Variants in GORAB observed in about 807,000 individuals in gnomAD.
The protein encoded by GORAB is RAB6-interacting golgin.
GORAB carries 17 observed loss-of-function variants against 29.9 expected under a neutral mutation model. That is an observed-to-expected ratio of 0.57 (90% CI 0.39 to 0.85). The LOEUF (loss-of-function observed/expected upper bound fraction) is 0.85, where lower values mean the gene tolerates loss of function less well. GORAB is among the 40% of genes least tolerant of loss of function. GORAB has a pLI of 0.00. For synonymous variants in GORAB, 183 were observed against 157.2 expected, an observed-to-expected ratio of 1.16 and a Z score of -1.23; for missense variants, 442 against 437.8, an observed-to-expected ratio of 1.01 and a Z score of -0.09.
chr1:170,552,509 T>A lies in GORAB; in HGVS notation c.*47T>A, dbSNP rs7552922. On this transcript the variant is annotated 3_prime_UTR_variant, in exon 5 of 5. Transcript: ENST00000367763. The stretch of plus-strand genomic sequence containing the variant: ...TAATATGGTATTGAGTAAAGTATAC[T>A]TTTTGCAGTAGATCATGCCCTGACC... 1.3e-6 allele frequency: 2 copies of A among 1,485,336 alleles called. No homozygotes were observed. Among genetic ancestry groups the A allele is most frequent in the African/African-American group, 1.4e-5 (1 of 72,340 alleles). The allele number at this position is 1,485,336 out of a possible 1,614,324, so 92.0% of individuals were successfully genotyped here.
At chr1:170,546,918 C>A (rs1336946054) in intron 4 of GORAB, among the ~76,000 whole-genome samples, 1 of 152,076 alleles carries the variant, frequency 6.6e-6, no homozygotes, top group Non-Finnish European at 1.5e-5. Flanking sequence ...CTCTTGACCT[C>A]AGGTGATCCG....
chr1:170,541,370 C>A (rs1649414608), intron 2 of GORAB, among the ~76,000 whole-genome samples: 1 of 151,970 alleles, frequency 6.6e-6, no homozygotes, highest in Non-Finnish European at 1.5e-5. Context: ...TCTCTGAGGG[C>A]TAAAGGCCGC....
In GORAB at chr1:170,553,006, G is replaced by C; in HGVS notation, c.*544G>C. 1 of 453,388 alleles carries C rather than the reference G, an allele frequency of 2.2e-6. No homozygotes were observed. The highest frequency in any genetic ancestry group is 4.4e-6 in the Non-Finnish European group (1 of 226,598). The allele number at this position is 453,388 out of a possible 1,614,324, so 28.1% of individuals were successfully genotyped here. ...ACACAACTTGGAAACTGGAATTTAT[G>C]TGAAGAACCAAACAACTTAAACCAG... On this transcript the variant is annotated 3_prime_UTR_variant, in exon 5 of 5. Transcript: ENST00000367763.
At chr1:170,532,722 G>A (rs1282326887) in intron 1 of GORAB, 13 of 186,622 alleles carry the variant, frequency 7.0e-5, no homozygotes, top group Admixed American at 6.4e-4. Context: ...AGGAGCACAG[G>A]CGTCTGAATA....
At chr1:170,541,494 A>T (rs1649423139) in intron 2 of GORAB, among the ~76,000 whole-genome samples, 1 of 152,094 alleles carries the variant, frequency 6.6e-6, no homozygotes, top group Non-Finnish European at 1.5e-5. Context: ...CTGCAGTAGT[A>T]AAAGTGAGAA....
chr1:170,537,359 TCTC>T (rs772355938), intron 1 of GORAB, among the ~76,000 whole-genome samples: 3 of 152,140 alleles, frequency 2.0e-5, no homozygotes, highest in African/African-American at 2.4e-5. Context: ...ACCTCTCTCT[TCTC>T]CTTGTGTTGT....
intron 4 of GORAB, among the ~76,000 whole-genome samples, chr1:170,546,398 AAAAG>A (rs1341738639): frequency 2.0e-5 from 3 of 152,152 alleles, no homozygotes; most frequent in Admixed American, 6.5e-5. Flanking sequence ...TCAAAAAAAA[AAAAG>A]AAAGAAAAGT....
intron 4 of GORAB, among the ~76,000 whole-genome samples, chr1:170,547,433 ACTGCTGCTACTGCTG>A (rs1193137190): frequency 4.0e-5 from 6 of 151,802 alleles, no homozygotes. Context: ...TACTGCTGCT[ACTGCTGCTACTGCTG>A]CTACTGCTAC....
intron 3 of GORAB, among the ~76,000 whole-genome samples, chr1:170,543,438 G>A (rs141345567): frequency 5.3e-4 from 80 of 152,240 alleles, no homozygotes; most frequent in African/African-American, 1.7e-3. Flanking sequence ...AGGAGAAGAG[G>A]GAAGAAGGTG....
Position 170,553,743 on chromosome 1 carries a change from A to G in GORAB, c.*1281A>G, listed in dbSNP as rs756342438. 1 of 452,456 alleles carries G rather than the reference A, an allele frequency of 2.2e-6. No homozygotes were observed. The highest frequency in any genetic ancestry group is 1.6e-5 in the South Asian group (1 of 63,718). The allele number at this position is 452,456 out of a possible 1,614,324, so 28.0% of individuals were successfully genotyped here. A position where few individuals can be genotyped will look rare whatever the true frequency, so the allele number is the denominator to read the frequency against. On this transcript the variant is annotated 3_prime_UTR_variant, in exon 5 of 5. Coordinates refer to ENST00000367763, the MANE Select transcript of GORAB (RefSeq NM_152281.3). Reference sequence around the variant, plus strand: ...TCTCTAAACAGAAGCATTTCTATAGATAGTTGTGCTTTTATTTATGAAATA... The same window carrying G: ...TCTCTAAACAGAAGCATTTCTATAGGTAGTTGTGCTTTTATTTATGAAATA...
rs963729755 is a variant in GORAB, at chr1:170,539,523, A to G, written c.375A>G (p.Leu125=). 9.3e-6 allele frequency: 15 copies of G among 1,613,982 alleles called. No individual in the cohort carries two copies. Among genetic ancestry groups the G allele is most frequent in the East Asian group, 2.2e-5 (1 of 44,884 alleles). Residue 125 remains leucine, a synonymous_variant, in exon 2 of 5, where the codon CTA becomes CTG. Transcript: ENST00000367763. The part of the protein sequence containing the change: ...SHDGHNNVEI[L]PPKPDCKLEK... ...ATGGTCACAACAATGTTGAGATTCTACCTCCAAAGCCAGATTGCAAATTGG... is the reference window on the plus strand; with the variant it reads ...ATGGTCACAACAATGTTGAGATTCTGCCTCCAAAGCCAGATTGCAAATTGG...
At position 170,542,556 on chromosome 1, in the gene GORAB, G is replaced by T. The variant is rs372317061; in HGVS notation, c.485G>T (p.Arg162Leu). ...EQRLMEEKNK[R>L]KKALLAKAIA... ...CGGCTAATGGAAGAGAAAAATAAACGTAAAAAAGCTCTTTTGGCTAAAGCT... is the reference window on the plus strand; with the variant it reads ...CGGCTAATGGAAGAGAAAAATAAACTTAAAAAAGCTCTTTTGGCTAAAGCT... Residue 162 changes from arginine (R) to leucine (L), a missense_variant, in exon 3 of 5, where the codon CGT becomes CTT. Physicochemically the swap from Arg to Leu is moderately radical, Grantham distance 102 (BLOSUM62 -2). Coordinates refer to ENST00000367763, the MANE Select transcript of GORAB (RefSeq NM_152281.3). The T allele has an allele frequency of 4.3e-6, 7 of 1,613,574 alleles. No homozygotes were observed. In the South Asian group the frequency reaches 4.4e-5, roughly 10 times the overall value.
At chr1:170,542,727 A>G in intron 3 of GORAB, 135 bp downstream of exon 3, 1 of 735,000 alleles carries the variant, frequency 1.4e-6, no homozygotes. Flanking sequence ...TAACTAAACA[A>G]ATTATGCTTT....
chr1:170,534,154 A>G (rs541731937), intron 1 of GORAB, among the ~76,000 whole-genome samples: 40 of 152,362 alleles, frequency 2.6e-4, no homozygotes, highest in Admixed American at 2.3e-3. Flanking sequence ...TCCATTAACA[A>G]GGGAATGGAT....
intron 2 of GORAB, among the ~76,000 whole-genome samples, chr1:170,540,351 A>G (rs912798171): frequency 6.6e-6 from 1 of 152,048 alleles, no homozygotes; most frequent in African/African-American, 2.4e-5. Context: ...GTTTTAATAT[A>G]TACTCTTATT....
At chr1:170,544,997 G>A in intron 4 of GORAB, 152 bp downstream of exon 4, 3 of 1,383,024 alleles carry the variant, frequency 2.2e-6, no homozygotes, top group Non-Finnish European at 2.8e-6. Context: ...TAATTCAAGT[G>A]TCTCCTCTTC....
intron 1 of GORAB, among the ~76,000 whole-genome samples, chr1:170,535,995 A>G (rs899537557): frequency 6.6e-5 from 10 of 152,240 alleles, no homozygotes; most frequent in African/African-American, 2.2e-4. Flanking sequence ...TTGACCTTCT[A>G]TCTTTTCATA....
chr1:170,535,378 A>T (rs1484298595), intron 1 of GORAB, among the ~76,000 whole-genome samples: 1 of 152,204 alleles, frequency 6.6e-6, no homozygotes, highest in Non-Finnish European at 1.5e-5. Flanking sequence ...GGTCTATTTC[A>T]TAATGAAAAA....
intron 3 of GORAB, 180 bp from the exon 4 acceptor site, chr1:170,544,525 A>AT: frequency 1.9e-6 from 1 of 514,378 alleles, no homozygotes; most frequent in Non-Finnish European, 3.4e-6. Flanking sequence ...CAAATATAAA[A>AT]TTTCAAAAAC....
Sources: allele counts gnomAD v4.1 joint callset (sites outside exome capture counted in the v4.1 genomes callset), GRCh38; gene constraint gnomAD v4.1.1; transcripts MANE v1.5; gene names NCBI Gene and HGNC (gene_info 2026-07-23, HGNC 2026-07-21).